HPSE2: variants seen among roughly 807,000 people sequenced by gnomAD.
HPSE2 encodes heparanase 2 (inactive), also known as inactive heparanase-2.
In HPSE2, 38 loss-of-function variants were observed where a neutral mutation model predicts 60.5. The ratio of observed to expected loss-of-function variants is 0.63; its 90% CI spans 0.48 to 0.82. The LOEUF (loss-of-function observed/expected upper bound fraction) is 0.82. Ranked by LOEUF, HPSE2 falls within the 40% of genes least tolerant of loss-of-function variation. The probability of loss-of-function intolerance (pLI) is 0.00; values close to 1 mark genes in which losing one functional copy is unlikely to be tolerated. For missense variants in HPSE2, 713 were observed against 740.4 expected, an observed-to-expected ratio of 0.96 and a Z score of 0.43; for synonymous variants, 295 against 293.2, an observed-to-expected ratio of 1.01 and a Z score of -0.06.
chr10:99,023,892 G>A (rs1189393082), intron 3 of HPSE2, among the ~76,000 whole-genome samples: 2 of 152,228 alleles, frequency 1.3e-5, no homozygotes, highest in Admixed American at 6.5e-5. Flanking sequence ...AGTCCAGATA[G>A]TGAAGAACAC....
rs1327078350 is a variant in HPSE2, at chr10:98,928,660, T to TA, written c.611-184605dup. ...TACACCATGGAATACTATGCAGCCATAAAAATGATGAGTTCATGTCCTTTG... is the reference window on the plus strand; with the variant it reads ...TACACCATGGAATACTATGCAGCCATAAAAAATGATGAGTTCATGTCCTTTG... On this transcript the variant is annotated intron_variant, in intron 3 of 11. Transcript: ENST00000370552. 1.8e-4 allele frequency among the ~76,000 whole-genome samples: 24 copies of TA among 133,480 alleles called. No individual in the cohort carries two copies. In the East Asian group the frequency reaches 2.3e-3, roughly 13 times the overall value. The allele number at this position is 133,480 out of a possible 152,430, so 87.6% of individuals were successfully genotyped here. A position where few individuals can be genotyped will look rare whatever the true frequency, so the allele number is the denominator to read the frequency against.
intron 2 of HPSE2, among the ~76,000 whole-genome samples, chr10:99,167,836 T>C (rs1847143501): frequency 1.3e-5 from 2 of 152,134 alleles, no homozygotes; most frequent in Admixed American, 1.3e-4. Flanking sequence ...CGAGAAGAAC[T>C]GATATCTTAA....
At chr10:98,686,714 T>G (rs1358388136) in intron 6 of HPSE2, among the ~76,000 whole-genome samples, 2 of 152,232 alleles carry the variant, frequency 1.3e-5, no homozygotes, top group Non-Finnish European at 2.9e-5. Context: ...GTGTTATTTA[T>G]TTCCAAATAT....
At chr10:98,589,979 T>C (rs1945043588) in intron 9 of HPSE2, among the ~76,000 whole-genome samples, 1 of 152,182 alleles carries the variant, frequency 6.6e-6, no homozygotes, top group African/African-American at 2.4e-5. Flanking sequence ...CTACCTTATC[T>C]CCCTTATGCT....
chr10:98,747,231 A>G (rs1362137221), intron 3 of HPSE2, among the ~76,000 whole-genome samples: 2 of 152,182 alleles, frequency 1.3e-5, no homozygotes, highest in Admixed American at 1.3e-4. Context: ...TCTATTAAGC[A>G]TGCAATAAAA....
rs114601321 is a variant in HPSE2 at position 98,613,951 on chromosome 10, A to G, written c.1320+953T>C. ...TCCATGGAATTTCTCTGATTGGCCAATAAGGTGACTAGACAAACCCATATT... is the reference window on the plus strand; with the variant it reads ...TCCATGGAATTTCTCTGATTGGCCAGTAAGGTGACTAGACAAACCCATATT... On this transcript the variant is annotated intron_variant, in intron 9 of 11. Coordinates refer to ENST00000370552, the MANE Select transcript of HPSE2 (RefSeq NM_021828.5). Among the ~76,000 whole-genome samples the G allele has an allele frequency of 6.0e-3, 910 of 152,338 alleles. 12 individuals are homozygous for G. The highest frequency in any genetic ancestry group is 0.021 in the African/African-American group (862 of 41,584).
intron 3 of HPSE2, among the ~76,000 whole-genome samples, chr10:98,954,012 G>C (rs1370634140): frequency 6.6e-6 from 1 of 152,168 alleles, no homozygotes; most frequent in African/African-American, 2.4e-5. Context: ...GGGAAGAAAA[G>C]AGCACTAAGT....
At position 99,006,026 on chromosome 10, in the gene HPSE2, C is replaced by T. The variant is rs192260399; in HGVS notation, c.610+138212G>A. On this transcript the variant is annotated intron_variant, in intron 3 of 11. Transcript: ENST00000370552. The stretch of plus-strand genomic sequence containing the variant: ...TGTTGATTGGTTCCTCAGGAGGAGA[C>T]CTGGAGCCTAGGTCACAGAGGGTAG... Among the ~76,000 whole-genome samples the T allele has an allele frequency of 2.0e-4, 31 of 152,226 alleles. No individual in the cohort carries two copies. In the East Asian group the frequency reaches 4.5e-3, roughly 22 times the overall value.
intron 3 of HPSE2, among the ~76,000 whole-genome samples, chr10:99,033,997 G>A (rs7919499): frequency 0.1 from 15,506 of 152,150 alleles, 855 homozygotes; most frequent in South Asian, 0.19. Flanking sequence ...TGCAAGTGAA[G>A]TTTTAACATG....
intron 3 of HPSE2, among the ~76,000 whole-genome samples, chr10:99,058,473 A>G (rs1958163503): frequency 6.6e-6 from 1 of 152,178 alleles, no homozygotes; most frequent in African/African-American, 2.4e-5. Context: ...CCAGCATGGT[A>G]GCCAAAAATG....
chr10:98,987,729 G>A (rs529151311), intron 3 of HPSE2, among the ~76,000 whole-genome samples: 5 of 152,174 alleles, frequency 3.3e-5, no homozygotes, highest in African/African-American at 1.2e-4. Context: ...TGACATGATT[G>A]TATACCTAGA....
intron 1 of HPSE2, 90 bp from the exon 2 acceptor site, chr10:99,232,595 A>G: frequency 7.1e-7 from 1 of 1,409,192 alleles, no homozygotes; most frequent in Non-Finnish European, 9.8e-7. Context: ...CTACTCCCTG[A>G]GGGCGACCTG....
chr10:98,766,951 C>A (rs891499185), intron 3 of HPSE2, among the ~76,000 whole-genome samples: 5 of 151,844 alleles, frequency 3.3e-5, no homozygotes, highest in East Asian at 1.9e-4. Context: ...ACAAAAAAAA[C>A]CCCACAATAT....
At chr10:98,836,479 G>C (rs964285970) in intron 3 of HPSE2, among the ~76,000 whole-genome samples, 1 of 152,020 alleles carries the variant, frequency 6.6e-6, no homozygotes, top group Non-Finnish European at 1.5e-5. Context: ...TAGGTTCTCA[G>C]GAAAGCAATT....
intron 3 of HPSE2, among the ~76,000 whole-genome samples, chr10:98,810,668 T>G (rs962582444): frequency 3.9e-5 from 6 of 152,180 alleles, no homozygotes; most frequent in African/African-American, 1.2e-4. Context: ...GGGTATACGG[T>G]CTTTTGGCTT....
At chr10:99,033,126 A>G (rs1957534344) in intron 3 of HPSE2, among the ~76,000 whole-genome samples, 1 of 152,212 alleles carries the variant, frequency 6.6e-6, no homozygotes, top group Non-Finnish European at 1.5e-5. Context: ...TCAAAAAGGT[A>G]TGTAGAAAAC....
the HPSE2 span, among the ~76,000 whole-genome samples, chr10:99,272,733 TC>T: frequency 3.3e-5 from 5 of 152,002 alleles, no homozygotes; most frequent in Non-Finnish European, 5.9e-5. Context: ...ACCACCTTAC[TC>T]CTGCAAGTGT....
At chr10:98,703,295 C>G (rs1490136143) in intron 5 of HPSE2, among the ~76,000 whole-genome samples, 1 of 152,034 alleles carries the variant, frequency 6.6e-6, no homozygotes, top group Non-Finnish European at 1.5e-5. Context: ...TAATTAATAG[C>G]CTACCAACCA....
chr10:98,678,119 C>T (rs1354677687), intron 6 of HPSE2, among the ~76,000 whole-genome samples: 1 of 151,848 alleles, frequency 6.6e-6, no homozygotes, highest in African/African-American at 2.4e-5. Flanking sequence ...TGGACTAAGA[C>T]CAAAGAGAGA....
Sources: allele counts gnomAD v4.1 joint callset (sites outside exome capture counted in the v4.1 genomes callset), GRCh38; gene constraint gnomAD v4.1.1; transcripts MANE v1.5; gene names NCBI Gene and HGNC (gene_info 2026-07-23, HGNC 2026-07-21).